The following SEL1L3 variants were observed in gnomAD, a reference collection of about 807,000 sequenced individuals.
The protein encoded by SEL1L3 is protein sel-1 homolog 3.
SEL1L3 carries 76 observed loss-of-function variants against 142.8 expected under a neutral mutation model. The ratio of observed to expected loss-of-function variants is 0.53; its 90% confidence interval spans 0.44 to 0.64. The LOEUF is 0.64. Among genes scored for constraint, SEL1L3 ranks in the 30% least tolerant of loss-of-function variants. The pLI is 0.00. For missense variants in SEL1L3, 1,262 were observed against 1,381.7 expected (o/e 0.91, Z 1.37); for synonymous variants, 504 against 519.6 (o/e 0.97, Z 0.41).
intron 11 of SEL1L3, among the ~76,000 whole-genome samples, chr4:25,792,533 G>C (rs1479168104): frequency 1.3e-5 from 2 of 152,252 alleles, no homozygotes; most frequent in Non-Finnish European, 2.9e-5. Context: ...ACTGTCCTGG[G>C]TGGGGAGCCT....
chr4:25,834,866 A>C (rs1230385213), intron 3 of SEL1L3, among the ~76,000 whole-genome samples: 1 of 152,228 alleles, frequency 6.6e-6, no homozygotes, highest in East Asian at 1.9e-4. Flanking sequence ...TCCACGACAG[A>C]AAGGCAAAGC....
At chr4:25,716,336 C>T in the SEL1L3 span, among the ~76,000 whole-genome samples, 4 of 152,100 alleles carry the variant, frequency 2.6e-5, no homozygotes, top group East Asian at 1.9e-4. Context: ...GATTGGGAAA[C>T]GTTTTAAATT....
At chr4:25,859,220 C>T (rs1560366177) in intron 1 of SEL1L3, among the ~76,000 whole-genome samples, 2 of 152,216 alleles carry the variant, frequency 1.3e-5, no homozygotes, top group Non-Finnish European at 2.9e-5. Context: ...TCAGCACCCG[C>T]GACCTCAGTG....
At chr4:25,791,660 A>G (rs1325268638) in intron 11 of SEL1L3, among the ~76,000 whole-genome samples, 1 of 152,158 alleles carries the variant, frequency 6.6e-6, no homozygotes, top group Non-Finnish European at 1.5e-5. Context: ...TAAGAAGAGT[A>G]TTGAGCACTT....
intron 6 of SEL1L3, among the ~76,000 whole-genome samples, chr4:25,825,784 C>T (rs796135097): frequency 2.7e-5 from 4 of 147,728 alleles, no homozygotes; most frequent in African/African-American, 9.9e-5. Flanking sequence ...AAGCGATTCT[C>T]CTGCCTCAGC....
chr4:25,745,194 A>C (rs2109101203), downstream of SEL1L3, among the ~76,000 whole-genome samples: 1 of 152,248 alleles, frequency 6.6e-6, no homozygotes, highest in South Asian at 2.1e-4. Context: ...CAGGAGTTCA[A>C]GCCCAGCTTA....
chr4:25,791,485 A>G (rs1712331649), intron 11 of SEL1L3, among the ~76,000 whole-genome samples: 1 of 152,256 alleles, frequency 6.6e-6, no homozygotes, highest in Non-Finnish European at 1.5e-5. Flanking sequence ...CTCTCTTTAT[A>G]CATAATGAAG....
intron 23 of SEL1L3, among the ~76,000 whole-genome samples, chr4:25,750,738 T>C (rs1717542510): frequency 6.6e-6 from 1 of 152,204 alleles, no homozygotes; most frequent in Non-Finnish European, 1.5e-5. Flanking sequence ...CATTTTACTA[T>C]AATTTTAGTA....
chr4:25,782,273 C>T lies in SEL1L3; in HGVS notation c.2426G>A (p.Gly809Asp), dbSNP rs772372140. The T allele has an allele frequency of 1.2e-6, 2 of 1,613,782 alleles. No homozygotes were observed. Among genetic ancestry groups the T allele is most frequent in the East Asian group, 2.2e-5 (1 of 44,884 alleles). ...CCTTCCAGGAACTCCAGGGAAGATG[C>T]CATCCAAATGCAGGACTCCAAGATT... ...SYNLGVLHLD[G>D]IFPGVPGRNQ... The change falls in exon 15 of 24, where the codon GGC becomes GAC. Residue 809 changes from glycine to aspartate, a missense_variant. Gly to Asp is a moderately conservative substitution (Grantham distance 94, BLOSUM62 -1). Around this residue, in one of 3 missense-constraint regions of SEL1L3, gnomAD observed 435 missense variants for 559.2 expected, o/e 0.78. Coordinates refer to ENST00000399878, the MANE Select transcript of SEL1L3 (RefSeq NM_015187.5).
intron 2 of SEL1L3, among the ~76,000 whole-genome samples, chr4:25,838,133 G>C (rs964758647): frequency 6.6e-6 from 1 of 152,138 alleles, no homozygotes; most frequent in Admixed American, 6.5e-5. Context: ...CTTCCTCCTA[G>C]TACTGTCCAC....
intron 20 of SEL1L3, among the ~76,000 whole-genome samples, chr4:25,761,070 A>C (rs1281386997): frequency 1.3e-5 from 2 of 152,214 alleles, no homozygotes; most frequent in Non-Finnish European, 2.9e-5. Flanking sequence ...AAGTATCTTT[A>C]AGATGCACAC....
At chr4:25,804,323 C>G (rs1382093687) in intron 10 of SEL1L3, among the ~76,000 whole-genome samples, 1 of 152,122 alleles carries the variant, frequency 6.6e-6, no homozygotes, top group Non-Finnish European at 1.5e-5. Context: ...AATCATCCCC[C>G]CAAGGCCTGT....
intron 14 of SEL1L3, among the ~76,000 whole-genome samples, chr4:25,782,772 C>T (rs1237425759): frequency 6.6e-6 from 1 of 152,128 alleles, no homozygotes; most frequent in South Asian, 2.1e-4. Context: ...CATGAACGCT[C>T]AACTGAGGCC....
intron 23 of SEL1L3, 50 bp downstream of exon 23, chr4:25,757,484 C>G: frequency 8.5e-6 from 9 of 1,058,630 alleles, no homozygotes; most frequent in African/African-American, 2.1e-5. Flanking sequence ...AAAAAAATCC[C>G]TGCTTTTTTT....
chr4:25,748,458 G>A lies in SEL1L3; in HGVS notation c.3366C>T (p.Pro1122=). Residue 1122 remains proline, a synonymous_variant, in exon 24 of 24, where the codon CCC becomes CCT. Coordinates refer to ENST00000399878, the MANE Select transcript of SEL1L3 (RefSeq NM_015187.5). ...PAADASDQDQ[P]TVTNNPEPRG is the part of the protein sequence containing the mutation. ...GTGGCTCCGGGTTATTAGTTACTGT[G>A]GGCTGGTCTTGGTCAGAGGCATCTG... 1.2e-6 allele frequency: 2 copies of A among 1,611,858 alleles called. No individual in the cohort carries two copies. Among genetic ancestry groups the A allele is most frequent in the South Asian group, 2.2e-5 (2 of 90,294 alleles).
At chr4:25,847,944 C>T (rs1716646586) in intron 1 of SEL1L3, 80 bp from the exon 2 acceptor site, 2 of 876,980 alleles carry the variant, frequency 2.3e-6, no homozygotes, top group Non-Finnish European at 3.4e-6. Flanking sequence ...TCATTATTTT[C>T]CTGGGATAAA....
chr4:25,837,828 G>A (rs115466644), intron 2 of SEL1L3, among the ~76,000 whole-genome samples: 1,902 of 152,104 alleles, frequency 0.013, 25 homozygotes, highest in Non-Finnish European at 0.021. Flanking sequence ...CTAATAACTG[G>A]TTATGGCTGA....
At chr4:25,856,843 G>T (rs1057442847) in intron 1 of SEL1L3, among the ~76,000 whole-genome samples, 15 of 152,158 alleles carry the variant, frequency 9.9e-5, no homozygotes, top group African/African-American at 3.4e-4. Context: ...CTTGCTCAAA[G>T]AGCTGAGAAA....
At chr4:25,723,195 G>A in the SEL1L3 span, among the ~76,000 whole-genome samples, 7 of 152,200 alleles carry the variant, frequency 4.6e-5, no homozygotes, top group Non-Finnish European at 1.5e-5. Flanking sequence ...ATAGTAAAAG[G>A]TTATGCCCTT....
Sources: allele counts gnomAD v4.1 joint callset (sites outside exome capture counted in the v4.1 genomes callset), GRCh38; gene constraint gnomAD v4.1.1; regional missense constraint gnomAD v4.1.1; transcripts MANE v1.5; gene names NCBI Gene and HGNC (gene_info 2026-07-23, HGNC 2026-07-21).